The following MYRIP variants were observed in gnomAD, a reference collection of about 807,000 sequenced individuals.
MYRIP encodes the protein myosin VIIA and Rab interacting protein, also known as rab effector MyRIP.
Under a neutral mutation model 98.0 loss-of-function variants are expected in MYRIP, and 49 were observed. That is an observed-to-expected ratio of 0.50 (90% CI 0.40 to 0.63). The LOEUF is 0.63. MYRIP is among the 30% of genes least tolerant of loss of function. MYRIP has a pLI of 0.00. For synonymous variants in MYRIP, 404 were observed against 409.5 expected, an observed-to-expected ratio of 0.99 and a Z score of 0.16; for missense variants, 1,004 against 1,058.2, an observed-to-expected ratio of 0.95 and a Z score of 0.71.
chr3:40,079,967 T>C (rs1444171847), intron 3 of MYRIP, among the ~76,000 whole-genome samples: 4 of 152,218 alleles, frequency 2.6e-5, no homozygotes, highest in African/African-American at 9.7e-5. Flanking sequence ...CCTTATACAT[T>C]TCTTTTCTTT....
intron 2 of MYRIP, among the ~76,000 whole-genome samples, chr3:39,956,392 C>G (rs918371568): frequency 1.3e-5 from 2 of 152,154 alleles, no homozygotes; most frequent in African/African-American, 4.8e-5. Context: ...AACAACCCAA[C>G]TACATGGAAA....
intron 2 of MYRIP, among the ~76,000 whole-genome samples, chr3:39,906,627 T>C (rs11719900): frequency 0.14 from 20,800 of 152,192 alleles, 1,486 homozygotes; most frequent in Middle Eastern, 0.17. Flanking sequence ...TATGTAACTC[T>C]TGAGAAATTT....
intron 8 of MYRIP, among the ~76,000 whole-genome samples, chr3:40,177,589 C>T (rs556274442): frequency 3.3e-5 from 5 of 152,184 alleles, no homozygotes; most frequent in African/African-American, 1.2e-4. Flanking sequence ...AGGTTCAGTG[C>T]GAATGCTCCA....
chr3:40,137,549 C>T (rs1949806139), intron 3 of MYRIP, among the ~76,000 whole-genome samples: 1 of 152,208 alleles, frequency 6.6e-6, no homozygotes. Context: ...CCAGCATCAT[C>T]CTGATACCAA....
chr3:39,857,255 G>GAGGAAGGAAGGA lies in MYRIP; in HGVS notation c.-30-43518_-30-43507dup, dbSNP rs144396473. On this transcript the variant is annotated intron_variant, in intron 1 of 16. Coordinates refer to ENST00000302541, the MANE Select transcript of MYRIP (RefSeq NM_015460.4). ...AAAGATAACACAGGAGGGAGGGAGGGAGGAAGGAAGGAAGGAAGGAAGGAA... is the reference window on the plus strand; with the variant it reads ...AAAGATAACACAGGAGGGAGGGAGGGAGGAAGGAAGGAAGGAAGGAAGGAAGGAAGGAAGGAA... Among the ~76,000 whole-genome samples the GAGGAAGGAAGGA allele has an allele frequency of 1.4e-3, 193 of 135,966 alleles. 2 individuals carry two copies. Among genetic ancestry groups the GAGGAAGGAAGGA allele is most frequent in the African/African-American group, 3.7e-3 (123 of 33,020 alleles). 89.2% of individuals were successfully genotyped at this position (135,966 alleles called of 152,430 possible).
intron 1 of MYRIP, among the ~76,000 whole-genome samples, chr3:39,827,844 A>T (rs1941317282): frequency 6.6e-6 from 1 of 151,702 alleles, no homozygotes; most frequent in South Asian, 2.1e-4. Flanking sequence ...ATTCTGAAGG[A>T]TAGCTTTGCC....
At chr3:40,120,218 A>C (rs1949372727) in intron 3 of MYRIP, among the ~76,000 whole-genome samples, 1 of 152,194 alleles carries the variant, frequency 6.6e-6, no homozygotes, top group South Asian at 2.1e-4. Flanking sequence ...CCTACCTTTA[A>C]TTTTCACAGT....
chr3:40,154,736 TC>T (rs1276505101), intron 4 of MYRIP, among the ~76,000 whole-genome samples: 1 of 152,016 alleles, frequency 6.6e-6, no homozygotes, highest in Non-Finnish European at 1.5e-5. Flanking sequence ...GATGCATTGT[TC>T]CCCCTGCTGT....
Position 40,240,350 on chromosome 3 carries a change from C to T in MYRIP, c.2101-4096C>T, listed in dbSNP as rs529195419. The stretch of plus-strand genomic sequence containing the variant: ...CTCCCAGCGTGAGCGATGCAGAAGA[C>T]GGGTGATTTCTGCATTTCCGTCTGA... On this transcript the variant is annotated intron_variant, in intron 12 of 16. Transcript: ENST00000302541. Among the ~76,000 whole-genome samples the T allele has an allele frequency of 2.6e-5, 4 of 152,244 alleles. No homozygotes were observed. In the South Asian group the frequency reaches 6.2e-4, roughly 24 times the overall value.
chr3:40,233,770 T>C, intron 11 of MYRIP, 89 bp from the exon 12 acceptor site: 1 of 1,211,526 alleles, frequency 8.3e-7, no homozygotes, highest in Non-Finnish European at 1.2e-6. Flanking sequence ...AACCTCATGA[T>C]GATGAGTGTC....
chr3:40,250,109 T>C (rs1263243895), intron 13 of MYRIP, 113 bp from the exon 14 acceptor site: 1 of 787,250 alleles, frequency 1.3e-6, no homozygotes, highest in Non-Finnish European at 2.1e-6. Flanking sequence ...AATGAATGAA[T>C]GAATGAGCAT....
intron 10 of MYRIP, among the ~76,000 whole-genome samples, chr3:40,199,624 T>TA (rs1951496735): frequency 6.6e-6 from 1 of 152,190 alleles, no homozygotes; most frequent in Non-Finnish European, 1.5e-5. Flanking sequence ...GGCAAGGCCT[T>TA]AAAATCTACT....
intron 2 of MYRIP, among the ~76,000 whole-genome samples, chr3:39,902,080 C>T (rs540392030): frequency 1.3e-5 from 2 of 152,224 alleles, no homozygotes; most frequent in Admixed American, 1.3e-4. Context: ...AGGACGTCCC[C>T]AAGGTTTTTT....
At chr3:40,237,820 T>C (rs1262747608) in intron 12 of MYRIP, among the ~76,000 whole-genome samples, 1 of 152,204 alleles carries the variant, frequency 6.6e-6, no homozygotes, top group Non-Finnish European at 1.5e-5. Flanking sequence ...CAAAAAACAG[T>C]GTGTGAAATA....
At chr3:40,019,957 TC>T (rs1411626718) in intron 2 of MYRIP, among the ~76,000 whole-genome samples, 2 of 152,218 alleles carry the variant, frequency 1.3e-5, no homozygotes, top group Non-Finnish European at 2.9e-5. Flanking sequence ...ATTTTAAAGT[TC>T]CTTCTGTATT....
Position 40,244,436 on chromosome 3 carries a change from G to A in MYRIP, c.2101-10G>A, listed in dbSNP as rs922041386. On this transcript the variant is annotated splice_polypyrimidine_tract_variant and intron_variant, in intron 12 of 16. Coordinates refer to ENST00000302541, the MANE Select transcript of MYRIP (RefSeq NM_015460.4). ...CAGACATGAACTCAAATGTAGCACT[G>A]TCTCTACAGGTATACCTGGCAGCAG... 6.2e-7 allele frequency: 1 copy of A among 1,604,816 alleles called. No homozygotes were observed. The highest frequency in any genetic ancestry group is 1.7e-5 in the Admixed American group (1 of 59,096).
intron 3 of MYRIP, among the ~76,000 whole-genome samples, chr3:40,110,424 A>G (rs1949135361): frequency 1.3e-5 from 2 of 152,256 alleles, no homozygotes; most frequent in Admixed American, 6.5e-5. Flanking sequence ...AGTAACCTCA[A>G]AGGATCAGTT....
At chr3:40,097,094 G>A (rs544213683) in intron 3 of MYRIP, among the ~76,000 whole-genome samples, 7 of 152,216 alleles carry the variant, frequency 4.6e-5, no homozygotes, top group South Asian at 2.1e-4. Flanking sequence ...AACCAACCAC[G>A]ACCAAAAGAA....
intron 10 of MYRIP, among the ~76,000 whole-genome samples, chr3:40,200,657 A>G (rs1288556648): frequency 1.3e-5 from 2 of 152,204 alleles, no homozygotes; most frequent in East Asian, 3.8e-4. Context: ...TGTCAATTCC[A>G]TGAAAGAAAA....
Sources: allele counts gnomAD v4.1 joint callset (sites outside exome capture counted in the v4.1 genomes callset), GRCh38; gene constraint gnomAD v4.1.1; transcripts MANE v1.5; gene names NCBI Gene and HGNC (gene_info 2026-07-23, HGNC 2026-07-21).